The following MAGI2 variants were observed in gnomAD, a reference collection of about 807,000 sequenced individuals.
The protein encoded by MAGI2 is membrane associated guanylate kinase, WW and PDZ domain containing 2.
MAGI2 carries 35 observed loss-of-function variants against 133.3 expected under a neutral mutation model. The ratio of observed to expected loss-of-function variants is 0.26; its 90% CI spans 0.20 to 0.35. The LOEUF (loss-of-function observed/expected upper bound fraction) is 0.35, where lower values mean the gene tolerates loss of function less well. MAGI2 is among the 10% of genes least tolerant of loss of function. MAGI2 has a pLI of 1.00. For missense variants in MAGI2, 1,636 were observed against 1,863.4 expected (o/e 0.88, Z 2.25); for synonymous variants, 729 against 710.6 (o/e 1.03, Z -0.41).
intron 2 of MAGI2, among the ~76,000 whole-genome samples, chr7:78,853,206 C>T (rs891816022): frequency 1.3e-5 from 2 of 151,640 alleles, no homozygotes; most frequent in African/African-American, 4.8e-5. Context: ...TGAGGAACAA[C>T]ATAACTTTTC....
intron 2 of MAGI2, among the ~76,000 whole-genome samples, chr7:78,984,547 G>A (rs555575556): frequency 1.3e-5 from 2 of 151,846 alleles, no homozygotes; most frequent in African/African-American, 4.8e-5. Context: ...TGCTGGAGGG[G>A]TTCTGTCCAC....
intron 3 of MAGI2, among the ~76,000 whole-genome samples, chr7:78,559,983 G>A (rs62468624): frequency 1.3e-5 from 2 of 151,936 alleles, no homozygotes; most frequent in African/African-American, 4.8e-5. Context: ...ATAAATAAAG[G>A]TATCTACATG....
intron 1 of MAGI2, among the ~76,000 whole-genome samples, chr7:79,115,854 G>GT (rs59398227): frequency 0.012 from 1,100 of 93,936 alleles, 32 homozygotes; most frequent in African/African-American, 0.026. Flanking sequence ...ATGTTTTAAA[G>GT]TTTTTTTTTT....
intron 1 of MAGI2, among the ~76,000 whole-genome samples, chr7:79,225,126 C>T (rs1830739207): frequency 6.6e-6 from 1 of 152,146 alleles, no homozygotes; most frequent in Admixed American, 6.6e-5. Flanking sequence ...GTAATTATGC[C>T]TCAATTCCAT....
At chr7:78,484,160 T>G (rs1211423714) in intron 6 of MAGI2, 3 of 151,950 alleles carry the variant, frequency 2.0e-5, no homozygotes, top group African/African-American at 7.2e-5. Context: ...TCTTTTAATC[T>G]GTGTGTCAGT....
intron 9 of MAGI2, among the ~76,000 whole-genome samples, chr7:78,299,971 T>G (rs1350151311): frequency 6.6e-6 from 1 of 152,166 alleles, no homozygotes; most frequent in Non-Finnish European, 1.5e-5. Context: ...CATCATGGAA[T>G]TTTTGGGGTT....
intron 1 of MAGI2, among the ~76,000 whole-genome samples, chr7:79,446,560 C>T (rs1488708098): frequency 1.3e-5 from 2 of 152,060 alleles, no homozygotes; most frequent in South Asian, 4.2e-4. Flanking sequence ...AAATTATTTC[C>T]CCAGGTAGAG....
intron 2 of MAGI2, among the ~76,000 whole-genome samples, chr7:78,989,132 T>A (rs562836822): frequency 1.3e-5 from 2 of 152,068 alleles, no homozygotes; most frequent in Non-Finnish European, 2.9e-5. Flanking sequence ...TGACTAAACA[T>A]CTAGATTAAT....
chr7:78,805,934 G>C (rs1253599119), intron 2 of MAGI2, among the ~76,000 whole-genome samples: 1 of 152,084 alleles, frequency 6.6e-6, no homozygotes, highest in Non-Finnish European at 1.5e-5. Flanking sequence ...CTCATGAGAG[G>C]CCCCAAGCTA....
chr7:79,130,295 CAG>C (rs1032387132), intron 1 of MAGI2, among the ~76,000 whole-genome samples: 28 of 152,086 alleles, frequency 1.8e-4, no homozygotes, highest in African/African-American at 6.0e-4. Context: ...GCCTGAGTGA[CAG>C]AGTGAGACCC....
intron 2 of MAGI2, among the ~76,000 whole-genome samples, chr7:78,862,719 C>T (rs1794249979): frequency 6.6e-6 from 1 of 152,168 alleles, no homozygotes; most frequent in Non-Finnish European, 1.5e-5. Context: ...TACATAATCA[C>T]TTAATTTAGG....
At chr7:78,399,160 T>C (rs550892313) in intron 6 of MAGI2, among the ~76,000 whole-genome samples, 69 of 152,268 alleles carry the variant, frequency 4.5e-4, no homozygotes, top group African/African-American at 1.4e-3. Context: ...ATTTAGGTGA[T>C]TGGATAACAC....
At chr7:78,666,933 G>T (rs192604709) in intron 2 of MAGI2, among the ~76,000 whole-genome samples, 1 of 152,084 alleles carries the variant, frequency 6.6e-6, no homozygotes, top group Non-Finnish European at 1.5e-5. Context: ...TATGAAATGT[G>T]ATCAGTAAGA....
At chr7:79,234,150 C>A (rs1225279949) in intron 1 of MAGI2, among the ~76,000 whole-genome samples, 1 of 139,604 alleles carries the variant, frequency 7.2e-6, no homozygotes, top group Non-Finnish European at 1.5e-5. Context: ...TGTAGGGTTT[C>A]TGCCGAGAGA....
At chr7:78,158,621 A>C (rs1202251050) in intron 16 of MAGI2, among the ~76,000 whole-genome samples, 2 of 152,180 alleles carry the variant, frequency 1.3e-5, no homozygotes, top group Non-Finnish European at 2.9e-5. Context: ...CTAATCTTTA[A>C]GTCGTCCTTG....
At chr7:78,573,576 G>GCTTTA (rs1175278769) in intron 3 of MAGI2, among the ~76,000 whole-genome samples, 1 of 148,492 alleles carries the variant, frequency 6.7e-6, no homozygotes, top group Non-Finnish European at 1.5e-5. Context: ...TTTCTTTGAA[G>GCTTTA]CCCTTCATTT....
chr7:78,774,928 T>C (rs7790151), intron 2 of MAGI2, among the ~76,000 whole-genome samples: 50,989 of 151,890 alleles, frequency 0.34, 8,742 homozygotes, highest in South Asian at 0.47. Flanking sequence ...TGCTACATTA[T>C]AATACAAACA....
chr7:78,353,836 G>T (rs1281373297), intron 7 of MAGI2, among the ~76,000 whole-genome samples: 1 of 152,162 alleles, frequency 6.6e-6, no homozygotes, highest in African/African-American at 2.4e-5. Flanking sequence ...GGAGCAAGAG[G>T]CGTAGGGGAG....
intron 3 of MAGI2, among the ~76,000 whole-genome samples, chr7:78,524,916 A>G (rs1215311727): frequency 6.6e-6 from 1 of 151,902 alleles, no homozygotes; most frequent in African/African-American, 2.4e-5. Flanking sequence ...TACCTTTAAT[A>G]CATAGTACTA....
Sources: allele counts gnomAD v4.1 joint callset (sites outside exome capture counted in the v4.1 genomes callset), GRCh38; gene constraint gnomAD v4.1.1; transcripts MANE v1.5; gene names NCBI Gene and HGNC (gene_info 2026-07-23, HGNC 2026-07-21).